Variants in KMT2D observed in about 807,000 individuals in gnomAD.
The protein encoded by KMT2D is lysine methyltransferase 2D.
In KMT2D, 55 loss-of-function variants were observed where a neutral mutation model predicts 512.7. The ratio of observed to expected loss-of-function variants is 0.11; its 90% CI spans 0.09 to 0.13. The LOEUF (loss-of-function observed/expected upper bound fraction) is 0.13, where lower values mean the gene tolerates loss of function less well. Ranked by LOEUF, KMT2D falls within the 10% of genes least tolerant of loss-of-function variation. KMT2D has a pLI of 1.00. For synonymous variants in KMT2D, 2,995 were observed against 2,904.0 expected, an observed-to-expected ratio of 1.03 and a Z score of -1.01; for missense variants, 6,061 against 7,127.9, an observed-to-expected ratio of 0.85 and a Z score of 5.39.
In KMT2D at chr12:49,041,391, C is replaced by T. The variant is rs2120546286; in HGVS notation, c.6379G>A (p.Gly2127Ser). ...AAGCCGGCGGGGGTAGTGGGGCTGC[C>T]AATGAAAATGGTGGGGGCAGCAGCG... is the stretch of plus-strand genomic sequence containing the variant. ...PPAAAPTIFI[G>S]SPTTPAGLST... The change falls in exon 32 of 55, where the codon GGC becomes AGC. Residue 2127 changes from glycine to serine, a missense_variant. Gly to Ser is a moderately conservative substitution (Grantham distance 56, BLOSUM62 0). This residue lies in a region of KMT2D where 710 missense variants were observed against 647.3 expected (regional missense o/e 1.10). Coordinates refer to ENST00000301067, the MANE Select transcript of KMT2D (RefSeq NM_003482.4). The surrounding 1 kb of genome is among the most constrained non-coding windows in gnomAD (Gnocchi z 5.4). 1 of 1,602,594 alleles carries T rather than the reference C, an allele frequency of 6.2e-7. No homozygotes were observed. The highest frequency in any genetic ancestry group is 8.5e-7 in the Non-Finnish European group (1 of 1,174,290).
At position 49,052,622 on chromosome 12, in the gene KMT2D, G is replaced by A. The variant is rs779856832; in HGVS notation, c.1200C>T (p.His400=). 15 of 1,613,520 alleles carry A rather than the reference G, an allele frequency of 9.3e-6. No individual in the cohort carries two copies. The highest frequency in any genetic ancestry group is 6.7e-5 in the East Asian group (3 of 44,874). The change falls in exon 10 of 55, where the codon CAC becomes CAT. Residue 400 remains histidine (H), a synonymous_variant. Coordinates refer to ENST00000301067, the MANE Select transcript of KMT2D (RefSeq NM_003482.4). The part of the protein sequence containing the change: ...VACQGQPKGG[H]VTSMQPKEPG... Reference sequence around the variant, plus strand: ...GTTCCTTGGGTTGCATAGAGGTCACGTGCCCACCCTTTGGCTGCCCTTGGC... The same window carrying A: ...GTTCCTTGGGTTGCATAGAGGTCACATGCCCACCCTTTGGCTGCCCTTGGC...
intron 1 of KMT2D, among the ~76,000 whole-genome samples, chr12:49,056,297 A>G (rs905468820): frequency 2.6e-5 from 4 of 152,104 alleles, no homozygotes; most frequent in Non-Finnish European, 5.9e-5. Context: ...ACACACATAC[A>G]TGGGGGTGGG....
intron 1 of KMT2D, among the ~76,000 whole-genome samples, chr12:49,058,161 T>C (rs374223057): frequency 1.9e-4 from 29 of 152,074 alleles, no homozygotes; most frequent in African/African-American, 6.7e-4. Context: ...CCCTCCGAGA[T>C]GGATCCAAAT....
chr12:49,047,938 C>T (rs2120619374), intron 15 of KMT2D, 27 bp downstream of exon 15: 1 of 1,505,192 alleles, frequency 6.6e-7, no homozygotes, highest in Non-Finnish European at 9.3e-7. Flanking sequence ...TATTCCCCAG[C>T]CTACACCTCT....
rs377057640 is a variant in KMT2D at position 49,046,026 on chromosome 12, T to A, written c.4693+39A>T. ...GTCCTGTCCCAAAGCAAGGTACCCC[T>A]GCTCTGACTCCTCCCCCTACCCAGC... On this transcript the variant is annotated intron_variant, in intron 18 of 54. Coordinates refer to ENST00000301067, the MANE Select transcript of KMT2D (RefSeq NM_003482.4). The surrounding 1 kb of genome is among the most constrained non-coding windows in gnomAD (Gnocchi z 4.2). The A allele has an allele frequency of 9.1e-5, 147 of 1,612,460 alleles. 1 individual carries two copies. The Middle Eastern group carries it at 1.5e-3, about 16-fold the overall frequency.
chr12:49,021,775 G>A lies in KMT2D; in HGVS notation c.*5C>T. On this transcript the variant is annotated 3_prime_UTR_variant, in exon 55 of 55. Transcript: ENST00000301067. ...GACTCCCCTGCCTGGTAGCCTCAAA[G>A]CTTCTTAGTTCATCCATTTCCGACA... The A allele has an allele frequency of 6.2e-7, 1 of 1,611,202 alleles. No individual in the cohort carries two copies. Among genetic ancestry groups the A allele is most frequent in the Non-Finnish European group, 8.5e-7 (1 of 1,177,306 alleles).
Position 49,052,972 on chromosome 12 carries a change from G to C in KMT2D, c.1055C>G (p.Ala352Gly), listed in dbSNP as rs564617479. ...GGAGCGGATAGTCTGACCTCCCTGG[G>C]CTTTGTGACAGCGGTGACAGAGAGA... is the stretch of plus-strand genomic sequence containing the variant. The part of the protein sequence containing the change: ...NYSLCHRCHK[A>G]QGGQTIRSVA... Residue 352 changes from alanine (A) to glycine (G), a missense_variant, in exon 9 of 55, where the codon GCC becomes GGC. Transcript: ENST00000301067. 6.2e-7 allele frequency: 1 copy of C among 1,614,026 alleles called. No homozygotes were observed. The highest frequency in any genetic ancestry group is 1.1e-5 in the South Asian group (1 of 91,088).
At position 49,054,055 on chromosome 12, in the gene KMT2D, G is replaced by C. The variant is rs756636221; in HGVS notation, c.596C>G (p.Thr199Ser). Reference sequence around the variant, plus strand: ...CATGGATAGGAAGGAACCGCTGGCAGTCGCGCAGGGGAAGTGGTAAAGCCG... The same window carrying C: ...CATGGATAGGAAGGAACCGCTGGCACTCGCGCAGGGGAAGTGGTAAAGCCG... The part of the protein sequence containing the change: ...CPRLYHFPCA[T>S]ASGSFLSMKT... Residue 199 changes from threonine to serine, a missense_variant, in exon 6 of 55, where the codon ACT becomes AGT. Thr to Ser is a moderately conservative substitution (Grantham distance 58, BLOSUM62 1). Transcript: ENST00000301067. The surrounding 1 kb of genome is among the most constrained non-coding windows in gnomAD (Gnocchi z 6.4). 6.2e-7 allele frequency: 1 copy of C among 1,613,976 alleles called. No homozygotes were observed. The highest frequency in any genetic ancestry group is 1.7e-4 in the Middle Eastern group (1 of 6,060).
chr12:49,048,314 G>A (rs1937681695), intron 14 of KMT2D, among the ~76,000 whole-genome samples: 1 of 152,244 alleles, frequency 6.6e-6, no homozygotes, highest in African/African-American at 2.4e-5. Context: ...AGGAAGATAA[G>A]ATGGAGTAAA....
At position 49,046,483 on chromosome 12, in the gene KMT2D, C is replaced by T. The variant is rs912530378; in HGVS notation, c.4419-59G>A. ...CAACCTACCCGAAGTACCCAGAAGT[C>T]CCCTCACCGGAAACCCAAGCCACCA... On this transcript the variant is annotated intron_variant, in intron 16 of 54. Transcript: ENST00000301067. The surrounding 1 kb of genome is among the most constrained non-coding windows in gnomAD (Gnocchi z 4.2). 6.4e-5 allele frequency: 102 copies of T among 1,595,394 alleles called. No individual in the cohort carries two copies. Among genetic ancestry groups the T allele is most frequent in the Non-Finnish European group, 8.2e-5 (96 of 1,168,582 alleles).
Position 49,044,631 on chromosome 12 carries a change from C to A in KMT2D, c.4964-109G>T. On this transcript the variant is annotated intron_variant, in intron 20 of 54. Transcript: ENST00000301067. The surrounding 1 kb of genome is among the most constrained non-coding windows in gnomAD (Gnocchi z 6.4). The stretch of plus-strand genomic sequence containing the variant: ...ATACCTTGCCTCAGAGCCACTTAGA[C>A]GAGACAGCAGTGCTTAAGGGTAACT... The A allele has an allele frequency of 6.4e-7, 1 of 1,555,848 alleles. No individual in the cohort carries two copies. Among genetic ancestry groups the A allele is most frequent in the Non-Finnish European group, 8.7e-7 (1 of 1,144,352 alleles).
Position 49,020,986 on chromosome 12 carries a change from A to AC in KMT2D, c.*793dup, listed in dbSNP as rs747292711. On this transcript the variant is annotated 3_prime_UTR_variant, in exon 55 of 55. Coordinates refer to ENST00000301067, the MANE Select transcript of KMT2D (RefSeq NM_003482.4). The stretch of plus-strand genomic sequence containing the variant: ...TGTTGTTGTTTTTCTTCCTCCTCCT[A>AC]CCCCCCTTCCACCCACTCAGAAGAG... The AC allele has an allele frequency of 5.7e-5, 11 of 193,308 alleles. 1 individual carries two copies. The highest frequency in any genetic ancestry group is 2.5e-4 in the Admixed American group (4 of 16,200). The allele number at this position is 193,308 out of a possible 1,614,324, so 12.0% of individuals were successfully genotyped here.
chr12:49,055,250 G>A (rs1938338155), intron 2 of KMT2D, 26 bp downstream of exon 2: 1 of 1,613,086 alleles, frequency 6.2e-7, no homozygotes, highest in East Asian at 2.2e-5. Context: ...AAATCTAAAA[G>A]CAAACAAACA....
chr12:49,040,417 A>C lies in KMT2D; in HGVS notation c.7353T>G (p.Ser2451=), dbSNP rs758962870. ...TPRFQSPDPY[S]RPPSRPQSRD... is the part of the protein sequence containing the mutation. ...GGGACTGAGGGCGTGAGGGTGGGCG[A>C]GAATAAGGGTCAGGGGACTGGAAGC... is the stretch of plus-strand genomic sequence containing the variant. Residue 2451 remains serine, a synonymous_variant, in exon 32 of 55, where the codon TCT becomes TCG. Coordinates refer to ENST00000301067, the MANE Select transcript of KMT2D (RefSeq NM_003482.4). 1.9e-6 allele frequency: 3 copies of C among 1,560,390 alleles called. No homozygotes were observed. Among genetic ancestry groups the C allele is most frequent in the Non-Finnish European group, 2.6e-6 (3 of 1,152,522 alleles).
rs749611061 is a variant in KMT2D at position 49,053,077 on chromosome 12, G to A, written c.955-5C>T. 6.2e-7 allele frequency: 1 copy of A among 1,613,902 alleles called. No individual in the cohort carries two copies. Among genetic ancestry groups the A allele is most frequent in the African/African-American group, 1.3e-5 (1 of 74,938 alleles). On this transcript the variant is annotated splice_polypyrimidine_tract_variant and splice_region_variant and intron_variant, in intron 8 of 54. Transcript: ENST00000301067. ...GGCCCGGCACACCCGGCACGCCTAAGGGAAGGGAGTGGGCAAAACAGGCAT... is the reference window on the plus strand; with the variant it reads ...GGCCCGGCACACCCGGCACGCCTAAAGGAAGGGAGTGGGCAAAACAGGCAT...
In KMT2D at chr12:49,042,465, G is replaced by C; in HGVS notation, c.5867+96C>G. ...AACAAGGGAATGGGGAGGAGCAGGG[G>C]AAGTGCTGCAGGAGTCCGAGGGAGG... On this transcript the variant is annotated intron_variant, in intron 28 of 54. Transcript: ENST00000301067. This position sits in a 1 kb window ranked among gnomAD's most constrained non-coding sequence, Gnocchi z 4.4. 1 of 1,525,572 alleles carries C rather than the reference G, an allele frequency of 6.6e-7. No homozygotes were observed. The highest frequency in any genetic ancestry group is 8.9e-7 in the Non-Finnish European group (1 of 1,122,256). The allele number at this position is 1,525,572 out of a possible 1,614,324, so 94.5% of individuals were successfully genotyped here.
At position 49,030,426 on chromosome 12, in the gene KMT2D, T is replaced by C; in HGVS notation, c.13853A>G (p.Asn4618Ser). The C allele has an allele frequency of 8.8e-7, 1 of 1,141,924 alleles. No individual in the cohort carries two copies. Among genetic ancestry groups the C allele is most frequent in the Non-Finnish European group, 1.2e-6 (1 of 846,404 alleles). 70.7% of individuals were successfully genotyped at this position (1,141,924 alleles called of 1,614,324 possible). A position where few individuals can be genotyped will look rare whatever the true frequency, so the allele number is the denominator to read the frequency against. The change falls in exon 43 of 55, where the codon AAC becomes AGC. Residue 4618 changes from asparagine (N) to serine (S), a missense_variant. Around this residue, in one of 16 missense-constraint regions of KMT2D, gnomAD observed 1,600 missense variants for 1,754.9 expected, o/e 0.91. Coordinates refer to ENST00000301067, the MANE Select transcript of KMT2D (RefSeq NM_003482.4). ...SQLLTKNNLS[N>S]PPTPPSSLPP... ...CAGCGACGAGGGTGGTGTCGGCGGG[T>C]TACTCAGGTTATTCTGAGGGGTGGG...
In KMT2D at chr12:49,037,414, G is replaced by A. The variant is rs2120478664; in HGVS notation, c.9942C>T (p.Ser3314=). 6.2e-7 allele frequency: 1 copy of A among 1,602,084 alleles called. No homozygotes were observed. Among genetic ancestry groups the A allele is most frequent in the Non-Finnish European group, 8.5e-7 (1 of 1,174,672 alleles). ...PSLAGSQQQL[S]LGLAGARQPG... is the part of the protein sequence containing the mutation. ...GCTGTCGGGCACCTGCAAGACCCAG[G>A]GAAAGCTGCTGTTGGGACCCAGCCA... The change falls in exon 35 of 55, where the codon TCC becomes TCT. Residue 3314 remains serine, a synonymous_variant. Transcript: ENST00000301067.
At chr12:49,025,066 G>C in intron 49 of KMT2D, 120 bp from the exon 50 acceptor site, 1 of 1,187,914 alleles carries the variant, frequency 8.4e-7, no homozygotes, top group Non-Finnish European at 1.2e-6. Flanking sequence ...TCATGAAGTT[G>C]TGTTGGTCTT....
Sources: allele counts gnomAD v4.1 joint callset (sites outside exome capture counted in the v4.1 genomes callset), GRCh38; gene constraint gnomAD v4.1.1; regional missense constraint gnomAD v4.1.1; non-coding constraint Gnocchi (gnomAD v3.1); transcripts MANE v1.5; gene names NCBI Gene and HGNC (gene_info 2026-07-23, HGNC 2026-07-21).